The following NCOA7 variants were observed in gnomAD, a reference collection of about 807,000 sequenced individuals.
The protein encoded by NCOA7 is nuclear receptor coactivator 7, also known as 140 kDa estrogen receptor-associated protein.
In NCOA7, 45 loss-of-function variants were observed where a neutral mutation model predicts 104.3. That is an observed-to-expected ratio of 0.43 (90% CI 0.34 to 0.55). The LOEUF is 0.55. NCOA7 is among the 20% of genes least tolerant of loss of function. The probability of loss-of-function intolerance (pLI) is 0.02; values close to 1 mark genes in which losing one functional copy is unlikely to be tolerated. For synonymous variants in NCOA7, 398 were observed against 402.3 expected (o/e 0.99, Z 0.13); for missense variants, 1,041 against 1,119.7 (o/e 0.93, Z 1.00).
intron 10 of NCOA7, among the ~76,000 whole-genome samples, chr6:125,911,525 C>T (rs758553581): frequency 1.3e-5 from 2 of 152,184 alleles, no homozygotes; most frequent in African/African-American, 2.4e-5. Flanking sequence ...AAACTGGAGT[C>T]GCTCTGGTTT....
At chr6:125,840,892 TTTTTTTTTTTTTTTTTTTG>T (rs1481020393) in intron 2 of NCOA7, among the ~76,000 whole-genome samples, 1 of 52,302 alleles carries the variant, frequency 1.9e-5, no homozygotes, top group East Asian at 9.6e-4. Context: ...TTTTTTTTTT[TTTTTTTTTTTTTTTTTTTG>T]AGACAGAGTC....
rs1484736415 is a variant in NCOA7 at position 125,889,384 on chromosome 6, C to G, written c.1330C>G (p.Pro444Ala). The G allele has an allele frequency of 6.2e-7, 1 of 1,613,768 alleles. No individual in the cohort carries two copies. Among genetic ancestry groups the G allele is most frequent in the South Asian group, 1.1e-5 (1 of 91,046 alleles). The change falls in exon 9 of 16, where the codon CCA (proline) becomes GCA (alanine). Residue 444 changes from proline to alanine, a missense_variant. Around this residue, in one of 2 missense-constraint regions of NCOA7, gnomAD observed 914 missense variants for 942.7 expected, o/e 0.97. Coordinates refer to ENST00000392477, the MANE Select transcript of NCOA7 (RefSeq NM_181782.5). Reference sequence around the variant, plus strand: ...CTTGAAGGAGTGCCTTTCTCTTGACCCAGAGGAACGAAAGAAAGCTGAGTC... The same window carrying G: ...CTTGAAGGAGTGCCTTTCTCTTGACGCAGAGGAACGAAAGAAAGCTGAGTC... ...DTLKECLSLD[P>A]EERKKAESQI...
In NCOA7 at chr6:125,921,064, A is replaced by G; in HGVS notation, c.2366A>G (p.Glu789Gly). Residue 789 changes from glutamate (E) to glycine (G), a missense_variant, in exon 12 of 16, where the codon GAG (glutamate) becomes GGG (glycine). This residue lies in a region of NCOA7 where 914 missense variants were observed against 942.7 expected (regional missense o/e 0.97). Coordinates refer to ENST00000392477, the MANE Select transcript of NCOA7 (RefSeq NM_181782.5). ...GCGCTCCTGGAGAATATGCACATCG[A>G]GCAGGTGGGCTCGCCCTGGCCACCA... The part of the protein sequence containing the change: ...HSALLENMHI[E>G]QLARRLPARV... The G allele has an allele frequency of 1.2e-6, 2 of 1,612,756 alleles. No individual in the cohort carries two copies. The highest frequency in any genetic ancestry group is 1.7e-4 in the Middle Eastern group (1 of 6,046).
At chr6:125,851,744 C>T (rs1383119869) in intron 2 of NCOA7, among the ~76,000 whole-genome samples, 1 of 152,208 alleles carries the variant, frequency 6.6e-6, no homozygotes, top group Non-Finnish European at 1.5e-5. Flanking sequence ...ACCACATCCA[C>T]ACCAACATCT....
rs1192873942 is a variant in NCOA7, at chr6:125,863,388, C to CG, written c.271+8148_271+8149insG. Among the ~76,000 whole-genome samples, 2 of 138,560 alleles carry CG rather than the reference C, an allele frequency of 1.4e-5. 1 individual carries two copies. Among genetic ancestry groups the CG allele is most frequent in the Non-Finnish European group, 3.1e-5 (2 of 65,090 alleles). 90.9% of individuals were successfully genotyped at this position (138,560 alleles called of 152,430 possible). A position where few individuals can be genotyped will look rare whatever the true frequency, so the allele number is the denominator to read the frequency against. On this transcript the variant is annotated intron_variant, in intron 3 of 15. Transcript: ENST00000392477. ...GTTGTACTGTGTGTGAGCTTGAACT[C>CG]AGAGTTTAGTTCCATTATAATCATA...
At position 125,920,986 on chromosome 6, in the gene NCOA7, G is replaced by C. The variant is rs750157669; in HGVS notation, c.2288G>C (p.Ser763Thr). 1.9e-6 allele frequency: 3 copies of C among 1,613,886 alleles called. No homozygotes were observed. The East Asian group carries it at 6.7e-5, about 36-fold the overall frequency. Residue 763 changes from serine (S) to threonine (T), a missense_variant, in exon 12 of 16, where the codon AGC becomes ACC. Around this residue, in one of 2 missense-constraint regions of NCOA7, gnomAD observed 914 missense variants for 942.7 expected, o/e 0.97. Transcript: ENST00000392477. The part of the protein sequence containing the change: ...EEAKRRKSTC[S>T]YYEDEDEEVL... ...GCAAAGCGCAGGAAGAGCACATGCA[G>C]CTACTATGAAGACGAGGACGAAGAG...
chr6:125,830,761 A>ATGTGTGTG (rs59933115), intron 2 of NCOA7, among the ~76,000 whole-genome samples: 8,937 of 144,022 alleles, frequency 0.062, 352 homozygotes, highest in Non-Finnish European at 0.087. Flanking sequence ...GTGTGTGTGT[A>ATGTGTGTG]TGTGTGTGTG....
intron 7 of NCOA7, among the ~76,000 whole-genome samples, chr6:125,883,469 C>T (rs562654738): frequency 6.6e-6 from 1 of 152,260 alleles, no homozygotes; most frequent in Admixed American, 6.5e-5. Flanking sequence ...CATTTTAAAA[C>T]ATTTTTATTA....
rs1404091353 is a variant in NCOA7 at position 125,930,906 on chromosome 6, A to C, written c.*2135A>C. ...TATGCTATTAATAAAATGGAAAAAA[A>C]CAAAATGGTCATTTTGCATATACTT... On this transcript the variant is annotated 3_prime_UTR_variant, in exon 16 of 16. Transcript: ENST00000392477. 3 of 152,652 alleles carry C rather than the reference A, an allele frequency of 2.0e-5. No individual in the cohort carries two copies. The highest frequency in any genetic ancestry group is 4.4e-5 in the Non-Finnish European group (3 of 68,036). The allele number at this position is 152,652 out of a possible 1,614,324, so 9.5% of individuals were successfully genotyped here. A position where few individuals can be genotyped will look rare whatever the true frequency, so the allele number is the denominator to read the frequency against.
At chr6:125,857,468 G>A (rs796279010) in intron 3 of NCOA7, among the ~76,000 whole-genome samples, 2 of 151,710 alleles carry the variant, frequency 1.3e-5, no homozygotes, top group African/African-American at 4.8e-5. Context: ...AGAAAGATGG[G>A]GTTCTCACTA....
At chr6:125,845,878 G>T (rs1780562691) in intron 2 of NCOA7, among the ~76,000 whole-genome samples, 1 of 152,108 alleles carries the variant, frequency 6.6e-6, no homozygotes, top group Non-Finnish European at 1.5e-5. Context: ...GGTCTTGAGG[G>T]ATTTTGCTTT....
chr6:125,837,161 A>G (rs1457841824), intron 2 of NCOA7, among the ~76,000 whole-genome samples: 4 of 152,198 alleles, frequency 2.6e-5, no homozygotes, highest in African/African-American at 9.7e-5. Flanking sequence ...GGTCTGATTC[A>G]AGGTTTATAT....
intron 10 of NCOA7, among the ~76,000 whole-genome samples, chr6:125,907,017 T>C (rs1382768924): frequency 1.3e-5 from 2 of 152,182 alleles, no homozygotes; most frequent in Non-Finnish European, 2.9e-5. Flanking sequence ...CCACCTCGTC[T>C]CCAGAGGACT....
At chr6:125,865,877 A>G (rs1375713263) in intron 3 of NCOA7, among the ~76,000 whole-genome samples, 2 of 135,212 alleles carry the variant, frequency 1.5e-5, no homozygotes, top group Admixed American at 7.0e-5. Flanking sequence ...TTGTAGACAC[A>G]GGGTCTGCCC....
intron 7 of NCOA7, among the ~76,000 whole-genome samples, chr6:125,883,984 G>A (rs1405803173): frequency 6.6e-6 from 1 of 152,140 alleles, no homozygotes; most frequent in Non-Finnish European, 1.5e-5. Context: ...CTCCCAAAGT[G>A]TTGGGATTAC....
intron 2 of NCOA7, among the ~76,000 whole-genome samples, chr6:125,851,549 G>A (rs745486575): frequency 1.3e-5 from 2 of 152,202 alleles, no homozygotes; most frequent in Non-Finnish European, 2.9e-5. Flanking sequence ...GAATTGTGCT[G>A]CAATAAACTT....
At chr6:125,846,260 G>T (rs916469546) in intron 2 of NCOA7, among the ~76,000 whole-genome samples, 3 of 151,862 alleles carry the variant, frequency 2.0e-5, no homozygotes, top group South Asian at 2.1e-4. Flanking sequence ...TAGAAATTCT[G>T]CAGTGGAAGG....
intron 10 of NCOA7, among the ~76,000 whole-genome samples, chr6:125,895,965 ATGTG>A (rs61017866): frequency 0.054 from 7,896 of 146,050 alleles, 634 homozygotes; most frequent in African/African-American, 0.18. Flanking sequence ...ATATGTATAT[ATGTG>A]TGTGTGTGTG....
intron 1 of NCOA7, among the ~76,000 whole-genome samples, chr6:125,804,373 A>T (rs1164183035): frequency 1.3e-5 from 2 of 152,182 alleles, no homozygotes; most frequent in Non-Finnish European, 2.9e-5. Context: ...AGTAGGGGGT[A>T]TCTCCAGAAA....
Sources: gnomAD v4.1 joint callset for allele counts (sites outside exome capture counted in the v4.1 genomes callset) on GRCh38, gnomAD v4.1.1 for gene constraint, gnomAD v4.1.1 regional missense constraint, MANE v1.5 for transcripts, NCBI Gene and HGNC (gene_info 2026-07-23, HGNC 2026-07-21) for gene names.